PPP3CA: variants seen among roughly 807,000 people sequenced by gnomAD.
PPP3CA encodes protein phosphatase 3 catalytic subunit alpha.
In PPP3CA, 14 loss-of-function variants were observed where a neutral mutation model predicts 66.5. The ratio of observed to expected loss-of-function variants is 0.21; its 90% CI spans 0.14 to 0.33. The LOEUF (loss-of-function observed/expected upper bound fraction) is 0.33. Among genes scored for constraint, PPP3CA ranks in the 10% least tolerant of loss-of-function variants. The pLI, the probability that PPP3CA is intolerant of heterozygous loss-of-function variation, is 1.00. For missense variants in PPP3CA, 317 were observed against 639.5 expected, an observed-to-expected ratio of 0.50 and a Z score of 5.44; for synonymous variants, 232 against 226.2, an observed-to-expected ratio of 1.03 and a Z score of -0.23.
At chr4:101,136,116 T>C (rs1458913990) in intron 2 of PPP3CA, among the ~76,000 whole-genome samples, 2 of 152,248 alleles carry the variant, frequency 1.3e-5, no homozygotes, top group Non-Finnish European at 2.9e-5. Context: ...AATGTTTTCC[T>C]ATCACTTAGA....
intron 1 of PPP3CA, among the ~76,000 whole-genome samples, chr4:101,198,843 G>A (rs1459000907): frequency 1.3e-5 from 2 of 152,092 alleles, no homozygotes; most frequent in African/African-American, 4.8e-5. Context: ...AACTGGCTAA[G>A]GTAAAGACAC....
intron 1 of PPP3CA, among the ~76,000 whole-genome samples, chr4:101,270,697 C>A (rs1033464325): frequency 2.0e-5 from 3 of 152,156 alleles, no homozygotes; most frequent in Admixed American, 2.0e-4. Context: ...TTTGTTTAAT[C>A]TGAATGGTTA....
intron 1 of PPP3CA, among the ~76,000 whole-genome samples, chr4:101,220,233 G>A (rs538765580): frequency 8.2e-4 from 124 of 150,500 alleles, no homozygotes; most frequent in Middle Eastern, 3.5e-3. Context: ...CAAGGTCAGG[G>A]AACACTTTCT....
intron 1 of PPP3CA, among the ~76,000 whole-genome samples, chr4:101,303,480 T>C (rs1728441723): frequency 6.6e-6 from 1 of 152,216 alleles, no homozygotes; most frequent in African/African-American, 2.4e-5. Flanking sequence ...TTCAAAAATA[T>C]CATGTACATT....
intron 1 of PPP3CA, among the ~76,000 whole-genome samples, chr4:101,233,583 T>C (rs1232869686): frequency 1.3e-5 from 2 of 151,826 alleles, no homozygotes; most frequent in African/African-American, 2.4e-5. Context: ...CTATAATGTT[T>C]ACTTTTCATT....
chr4:101,270,674 C>T (rs1727310289), intron 1 of PPP3CA, among the ~76,000 whole-genome samples: 1 of 152,124 alleles, frequency 6.6e-6, no homozygotes, highest in African/African-American at 2.4e-5. Context: ...CATCCAACTT[C>T]CTTTATACTT....
intron 2 of PPP3CA, among the ~76,000 whole-genome samples, chr4:101,124,170 G>A (rs1578470496): frequency 6.6e-6 from 1 of 152,100 alleles, no homozygotes; most frequent in East Asian, 1.9e-4. Context: ...TAGGTAATGG[G>A]TAACTGATGG....
chr4:101,284,182 T>C (rs1399988310), intron 1 of PPP3CA, among the ~76,000 whole-genome samples: 1 of 152,172 alleles, frequency 6.6e-6, no homozygotes, highest in Admixed American at 6.5e-5. Flanking sequence ...TCTTTGGTTA[T>C]TGTTTGCTTT....
chr4:101,038,522 AC>A (rs970747119), intron 11 of PPP3CA, among the ~76,000 whole-genome samples: 2 of 151,934 alleles, frequency 1.3e-5, no homozygotes, highest in Non-Finnish European at 2.9e-5. Context: ...GGCACGTGTC[AC>A]CATGCCCGGC....
intron 10 of PPP3CA, among the ~76,000 whole-genome samples, chr4:101,055,072 T>C (rs1204830910): frequency 2.0e-5 from 3 of 152,226 alleles, no homozygotes; most frequent in South Asian, 4.1e-4. Context: ...ACATAATTTG[T>C]ATTATTTAAA....
chr4:101,320,909 C>A (rs1407008931), intron 1 of PPP3CA, among the ~76,000 whole-genome samples: 1 of 152,042 alleles, frequency 6.6e-6, no homozygotes, highest in Non-Finnish European at 1.5e-5. Flanking sequence ...AAATCCGGAT[C>A]TACAAGATGG....
At chr4:101,325,875 G>A (rs1209898192) in intron 1 of PPP3CA, among the ~76,000 whole-genome samples, 1 of 152,098 alleles carries the variant, frequency 6.6e-6, no homozygotes, top group Non-Finnish European at 1.5e-5. Flanking sequence ...AAAGAAAAAA[G>A]AAGAGTAATC....
intron 1 of PPP3CA, among the ~76,000 whole-genome samples, chr4:101,249,731 G>A (rs915183740): frequency 6.6e-6 from 1 of 151,972 alleles, no homozygotes; most frequent in South Asian, 2.1e-4. Context: ...CTTAATATAG[G>A]ACAGAAACCA....
chr4:101,237,330 T>C (rs921395257), intron 1 of PPP3CA, among the ~76,000 whole-genome samples: 1 of 151,964 alleles, frequency 6.6e-6, no homozygotes, highest in Non-Finnish European at 1.5e-5. Flanking sequence ...CGCTGAATCA[T>C]CTAAATTAGA....
chr4:101,148,273 T>C (rs957896910), intron 2 of PPP3CA, among the ~76,000 whole-genome samples: 63 of 152,142 alleles, frequency 4.1e-4, no homozygotes, highest in African/African-American at 1.4e-3. Flanking sequence ...AATATTAAAT[T>C]ACATATATGA....
chr4:101,080,036 C>G (rs1207772645), intron 8 of PPP3CA, among the ~76,000 whole-genome samples: 1 of 151,890 alleles, frequency 6.6e-6, no homozygotes, highest in Non-Finnish European at 1.5e-5. Context: ...TTGAAGTTTA[C>G]TTTTTTTTGC....
chr4:101,310,914 A>G (rs924970455), intron 1 of PPP3CA, among the ~76,000 whole-genome samples: 1 of 152,194 alleles, frequency 6.6e-6, no homozygotes, highest in African/African-American at 2.4e-5. Context: ...TCATCATCCT[A>G]AAGAGTACAA....
intron 2 of PPP3CA, among the ~76,000 whole-genome samples, chr4:101,162,291 G>C (rs565739396): frequency 7.2e-4 from 109 of 151,196 alleles, no homozygotes; most frequent in Middle Eastern, 6.9e-3. Flanking sequence ...CCAGCACTTT[G>C]GGAGGCTGAG....
chr4:101,287,838 T>G (rs904460385), intron 1 of PPP3CA, among the ~76,000 whole-genome samples: 4 of 152,060 alleles, frequency 2.6e-5, no homozygotes, highest in Non-Finnish European at 4.4e-5. Context: ...AAGACAAACT[T>G]TAAATTTATA....
Sources: allele counts gnomAD v4.1 joint callset (sites outside exome capture counted in the v4.1 genomes callset), GRCh38; gene constraint gnomAD v4.1.1; transcripts MANE v1.5; gene names NCBI Gene and HGNC (gene_info 2026-07-23, HGNC 2026-07-21).